Variants in TOMM70 observed in about 807,000 individuals in gnomAD.
The protein encoded by TOMM70 is translocase of outer mitochondrial membrane 70.
In TOMM70, 13 loss-of-function variants were observed where a neutral mutation model predicts 73.6. The ratio of observed to expected loss-of-function variants is 0.18; its 90% CI spans 0.11 to 0.28. The LOEUF is 0.28. Ranked by LOEUF, TOMM70 falls within the 10% of genes least tolerant of loss-of-function variation. The pLI is 1.00. For missense variants in TOMM70, 609 were observed against 747.5 expected, an observed-to-expected ratio of 0.81 and a Z score of 2.16; for synonymous variants, 257 against 271.2, an observed-to-expected ratio of 0.95 and a Z score of 0.51.
At chr3:100,386,017 T>A (rs1276436998) in intron 3 of TOMM70, among the ~76,000 whole-genome samples, 1 of 152,206 alleles carries the variant, frequency 6.6e-6, no homozygotes. Flanking sequence ...TTAATAGTCA[T>A]TTAATTCCAT....
At position 100,395,558 on chromosome 3, in the gene TOMM70, A is replaced by AG. The variant is rs1408239873; in HGVS notation, c.324+5067_324+5068insC. Among the ~76,000 whole-genome samples, 4 of 151,732 alleles carry AG rather than the reference A, an allele frequency of 2.6e-5. No individual in the cohort carries two copies. In the East Asian group the frequency reaches 5.8e-4, roughly 22 times the overall value. ...ACTCCAACTCAAAAAAAAAAAAAAA[A>AG]AGAGAAAGGAAAAAAGATTTCCACG... On this transcript the variant is annotated intron_variant, in intron 1 of 11. Transcript: ENST00000284320.
intron 1 of TOMM70, among the ~76,000 whole-genome samples, chr3:100,397,499 T>C (rs531161325): frequency 6.6e-5 from 10 of 152,364 alleles, no homozygotes; most frequent in African/African-American, 2.4e-4. Context: ...TTTTGCCTTA[T>C]TTTATTTGGG....
chr3:100,368,321 T>C (rs542103022), intron 10 of TOMM70, among the ~76,000 whole-genome samples, 155 bp from the exon 11 acceptor site: 12 of 152,314 alleles, frequency 7.9e-5, no homozygotes, highest in Non-Finnish European at 1.2e-4. Context: ...GTGTTTTTTT[T>C]CTCAGCTTAT....
intron 5 of TOMM70, among the ~76,000 whole-genome samples, chr3:100,379,400 G>C (rs1392506027): frequency 1.3e-5 from 2 of 152,136 alleles, no homozygotes; most frequent in African/African-American, 2.4e-5. Context: ...AACGTGGGAG[G>C]ATCACCTGGG....
intron 1 of TOMM70, among the ~76,000 whole-genome samples, chr3:100,395,242 G>A (rs1358217290): frequency 3.3e-5 from 5 of 152,034 alleles, no homozygotes; most frequent in Non-Finnish European, 4.4e-5. Context: ...GGTGGCACTC[G>A]CCTGTAATCC....
At chr3:100,374,890 T>G in intron 7 of TOMM70, 128 bp downstream of exon 7, 1 of 1,076,254 alleles carries the variant, frequency 9.3e-7, no homozygotes, top group South Asian at 2.4e-5. Flanking sequence ...TGTAAACCAC[T>G]GTGATACTTT....
At chr3:100,395,284 G>A (rs7637142) in intron 1 of TOMM70, among the ~76,000 whole-genome samples, 89 of 152,128 alleles carry the variant, frequency 5.9e-4, no homozygotes, top group Non-Finnish European at 1.1e-3. Context: ...CAGGAGAATC[G>A]GTTGAACCCG....
intron 4 of TOMM70, among the ~76,000 whole-genome samples, chr3:100,381,990 G>A (rs987267000): frequency 1.3e-5 from 2 of 152,146 alleles, no homozygotes; most frequent in Admixed American, 6.5e-5. Flanking sequence ...CTACAAAGAT[G>A]TAAGACCACA....
intron 6 of TOMM70, among the ~76,000 whole-genome samples, chr3:100,377,163 T>C (rs943779095): frequency 1.3e-5 from 2 of 152,180 alleles, no homozygotes; most frequent in African/African-American, 4.8e-5. Context: ...TTACACTGAA[T>C]AGAATGTAAC....
intron 4 of TOMM70, among the ~76,000 whole-genome samples, chr3:100,383,879 A>G (rs1438213706): frequency 6.6e-6 from 1 of 152,188 alleles, no homozygotes; most frequent in African/African-American, 2.4e-5. Context: ...AGTAACAGTC[A>G]GTCTCTCTCA....
At chr3:100,383,112 A>C (rs994756591) in intron 4 of TOMM70, among the ~76,000 whole-genome samples, 7 of 152,138 alleles carry the variant, frequency 4.6e-5, no homozygotes, top group African/African-American at 1.7e-4. Flanking sequence ...CACTATGTAC[A>C]AGGAAACTAG....
At chr3:100,376,655 C>G (rs1368428189) in intron 6 of TOMM70, among the ~76,000 whole-genome samples, 3 of 151,604 alleles carry the variant, frequency 2.0e-5, no homozygotes, top group African/African-American at 7.3e-5. Flanking sequence ...TCTAAGGTAA[C>G]AAACATTTAG....
intron 1 of TOMM70, among the ~76,000 whole-genome samples, chr3:100,398,375 C>A: frequency 7.8e-6 from 1 of 127,952 alleles, no homozygotes; most frequent in South Asian, 2.4e-4. Flanking sequence ...CAGGGTTAGA[C>A]GCTGTCTCAA....
intron 1 of TOMM70, among the ~76,000 whole-genome samples, chr3:100,394,443 C>T (rs189004567): frequency 3.2e-4 from 49 of 151,702 alleles, no homozygotes; most frequent in Admixed American, 7.9e-4. Flanking sequence ...CTAAATAACT[C>T]TGGAACACTT....
Position 100,373,576 on chromosome 3 carries a change from C to T in TOMM70, c.1297G>A (p.Glu433Lys). 6.2e-7 allele frequency: 1 copy of T among 1,612,076 alleles called. No individual in the cohort carries two copies. The highest frequency in any genetic ancestry group is 8.5e-7 in the Non-Finnish European group (1 of 1,179,074). Residue 433 changes from glutamate to lysine, a missense_variant, in exon 8 of 12, where the codon GAG becomes AAG. Physicochemically the swap from Glu to Lys is moderately conservative, Grantham distance 56 (BLOSUM62 1). Around this residue, in one of 2 missense-constraint regions of TOMM70, gnomAD observed 432 missense variants for 584.1 expected, o/e 0.74. Coordinates refer to ENST00000284320, the MANE Select transcript of TOMM70 (RefSeq NM_014820.5). ...TTCTGTGCTTGTGCCAGAGCAGACT[C>T]AGGTCTTAACCTAATACATTCATCA... ...DFDECIRLRP[E>K]SALAQAQKCF...
chr3:100,397,507 G>C (rs542470397), intron 1 of TOMM70, among the ~76,000 whole-genome samples: 4 of 152,124 alleles, frequency 2.6e-5, no homozygotes, highest in Non-Finnish European at 4.4e-5. Context: ...TATTTTATTT[G>C]GGGCCAAAAA....
At position 100,368,127 on chromosome 3, in the gene TOMM70, A is replaced by G. The variant is rs770065770; in HGVS notation, c.1590T>C (p.Gly530=). The change falls in exon 11 of 12, where the codon GGT becomes GGC. Residue 530 remains glycine (G), a synonymous_variant. Transcript: ENST00000284320. ...QLQWKQDLDR[G]LELISKAIEI... ...CAATAGCCTTGCTGATAAGTTCCAA[A>G]CCTCTATCCAGATCTTGCTTCCACT... 6.2e-7 allele frequency: 1 copy of G among 1,613,274 alleles called. No homozygotes were observed. Among genetic ancestry groups the G allele is most frequent in the Non-Finnish European group, 8.5e-7 (1 of 1,179,814 alleles).
intron 1 of TOMM70, among the ~76,000 whole-genome samples, chr3:100,395,941 A>G (rs1462036599): frequency 6.6e-6 from 1 of 151,990 alleles, no homozygotes; most frequent in Non-Finnish European, 1.5e-5. Context: ...TTAGGTAGAG[A>G]GAAGTTTCAG....
intron 1 of TOMM70, among the ~76,000 whole-genome samples, chr3:100,399,630 G>T (rs1185876750): frequency 6.6e-6 from 1 of 151,888 alleles, no homozygotes; most frequent in Non-Finnish European, 1.5e-5. Context: ...TCACATCAGA[G>T]AAACTGTATC....
Sources: gnomAD v4.1 joint callset for allele counts (sites outside exome capture counted in the v4.1 genomes callset) on GRCh38, gnomAD v4.1.1 for gene constraint, gnomAD v4.1.1 regional missense constraint, MANE v1.5 for transcripts, NCBI Gene and HGNC (gene_info 2026-07-23, HGNC 2026-07-21) for gene names.